Variants in SEMA3A observed in about 807,000 individuals in gnomAD.
The protein encoded by SEMA3A is semaphorin 3A.
A neutral mutation model predicts 97.9 loss-of-function variants in SEMA3A; 29 were observed. The ratio of observed to expected loss-of-function variants is 0.30; its 90% CI spans 0.22 to 0.40. SEMA3A has a LOEUF of 0.40. Ranked by LOEUF, SEMA3A falls within the 10% of genes least tolerant of loss-of-function variation. The pLI, the probability that SEMA3A is intolerant of heterozygous loss-of-function variation, is 1.00. For missense variants in SEMA3A, 763 were observed against 951.3 expected, an observed-to-expected ratio of 0.80 and a Z score of 2.60; for synonymous variants, 321 against 323.7, an observed-to-expected ratio of 0.99 and a Z score of 0.09.
At chr7:84,196,654 C>A (rs1245387818), upstream of SEMA3A, among the ~76,000 whole-genome samples, 1 of 152,136 alleles carries the variant, frequency 6.6e-6, no homozygotes, top group Non-Finnish European at 1.5e-5. Context: ...ACGCTCTAGG[C>A]AATGGATTAA....
chr7:84,375,128 T>C (rs1803066597), intron 1 of SEMA3A, among the ~76,000 whole-genome samples: 1 of 152,158 alleles, frequency 6.6e-6, no homozygotes, highest in African/African-American at 2.4e-5. Context: ...CAAGCTATTC[T>C]CCTGCCTCAG....
chr7:84,261,540 T>A (rs1393970389), intron 3 of SEMA3A, among the ~76,000 whole-genome samples: 1 of 152,130 alleles, frequency 6.6e-6, no homozygotes, highest in Middle Eastern at 3.2e-3. Flanking sequence ...ATTCCCCTCA[T>A]CCAGACATGG....
chr7:84,163,786 C>T (rs1225077928), intron 1 of SEMA3A, among the ~76,000 whole-genome samples: 8 of 150,716 alleles, frequency 5.3e-5, no homozygotes. Flanking sequence ...AATATTTAGG[C>T]TTTTCAGATA....
chr7:84,299,775 A>G (rs1220937405), intron 3 of SEMA3A, among the ~76,000 whole-genome samples: 1 of 150,772 alleles, frequency 6.6e-6, no homozygotes, highest in Non-Finnish European at 1.5e-5. Flanking sequence ...AATCTATTAA[A>G]AACAAACAAG....
At chr7:84,266,313 C>CAAAAAAAAAAA (rs57809084) in intron 3 of SEMA3A, among the ~76,000 whole-genome samples, 1 of 70,482 alleles carries the variant, frequency 1.4e-5, no homozygotes, top group Non-Finnish European at 2.5e-5. Flanking sequence ...GATTTGGTCT[C>CAAAAAAAAAAA]AAAAAAAAAA....
intron 3 of SEMA3A, among the ~76,000 whole-genome samples, chr7:84,243,543 CTTT>C (rs988662424): frequency 4.6e-5 from 7 of 152,144 alleles, no homozygotes; most frequent in East Asian, 1.9e-4. Context: ...CTCTCTTCTT[CTTT>C]ATTAGTTTGC....
chr7:83,990,564 A>T (rs917870996), intron 12 of SEMA3A, among the ~76,000 whole-genome samples: 1 of 119,706 alleles, frequency 8.4e-6, no homozygotes, highest in East Asian at 2.8e-4. Context: ...AGCACCATTT[A>T]TTAAATAGGG....
At position 84,381,987 on chromosome 7, in the gene SEMA3A, T is replaced by G. The variant is rs117414318; in HGVS notation, c.-245-10087A>C. Among the ~76,000 whole-genome samples the G allele has an allele frequency of 0.014, 2,082 of 152,180 alleles. 80 individuals carry two copies. In the East Asian group the frequency reaches 0.16, roughly 11 times the overall value. On this transcript the variant is annotated intron_variant, in intron 1 of 3. Coordinates refer to the SEMA3A transcript ENST00000424555. ...GGGTAGTTGAGGGTAGGAGCCCAGG[T>G]GTGAGGTTTGTGCAGCAGTTGAGGC...
chr7:84,491,493 A>G (rs1241507729), intron 1 of SEMA3A, among the ~76,000 whole-genome samples: 2 of 152,120 alleles, frequency 1.3e-5, no homozygotes. Flanking sequence ...CATATGTTCT[A>G]TGTGTTTATT....
chr7:84,027,114 T>G (rs1791575615), intron 6 of SEMA3A, among the ~76,000 whole-genome samples: 2 of 152,108 alleles, frequency 1.3e-5, no homozygotes, highest in Admixed American at 6.5e-5. Flanking sequence ...ACAAGGTATA[T>G]CTCTAAATAT....
At chr7:84,454,114 C>G (rs1805630110) in intron 1 of SEMA3A, among the ~76,000 whole-genome samples, 1 of 152,132 alleles carries the variant, frequency 6.6e-6, no homozygotes. Flanking sequence ...TGCATATATT[C>G]AAAGTGTTAA....
intron 1 of SEMA3A, among the ~76,000 whole-genome samples, chr7:84,466,414 C>G (rs1805999038): frequency 6.6e-6 from 1 of 152,072 alleles, no homozygotes. Context: ...CTCAGGTGAT[C>G]CACCCGCCTC....
chr7:84,004,451 CAG>C (rs1214863583), intron 11 of SEMA3A, among the ~76,000 whole-genome samples: 1 of 151,750 alleles, frequency 6.6e-6, no homozygotes, highest in Non-Finnish European at 1.5e-5. Flanking sequence ...CATTGTATGA[CAG>C]AAACACTGAA....
chr7:84,056,987 C>A (rs934400910), intron 5 of SEMA3A, among the ~76,000 whole-genome samples: 5 of 152,110 alleles, frequency 3.3e-5, no homozygotes, highest in Admixed American at 3.3e-4. Flanking sequence ...TACTGCCATA[C>A]CATTTCAGGT....
At position 83,965,647 on chromosome 7, in the gene SEMA3A, TATATATATATATATATATA is replaced by T. The variant is rs1230176490; in HGVS notation, c.1718-2319_1718-2301del. Among the ~76,000 whole-genome samples the T allele has an allele frequency of 6.4e-3, 69 of 10,780 alleles. 1 individual carries two copies. Among genetic ancestry groups the T allele is most frequent in the African/African-American group, 0.013 (35 of 2,716 alleles). 7.1% of individuals were successfully genotyped at this position (10,780 alleles called of 152,430 possible). The stretch of plus-strand genomic sequence containing the variant: ...GGGTGCATATATATATATATATATA[TATATATATATATATATATA>T]TTTTTTTTTTTTTTTTTTTTTTTTT... On this transcript the variant is annotated intron_variant, in intron 15 of 16. Coordinates refer to ENST00000265362, the MANE Select transcript of SEMA3A (RefSeq NM_006080.3).
At chr7:84,012,901 T>TA (rs1197518358) in intron 7 of SEMA3A, among the ~76,000 whole-genome samples, 1 of 152,136 alleles carries the variant, frequency 6.6e-6, no homozygotes, top group African/African-American at 2.4e-5. Context: ...ACCTTAGAGA[T>TA]TTTTTTTAAG....
intron 3 of SEMA3A, among the ~76,000 whole-genome samples, chr7:84,250,698 T>G (rs1799587322): frequency 6.6e-6 from 1 of 152,008 alleles, no homozygotes; most frequent in Admixed American, 6.6e-5. Context: ...GCTTGGCACT[T>G]TACATTTAAC....
At chr7:84,292,647 A>G (rs1041606214) in intron 3 of SEMA3A, among the ~76,000 whole-genome samples, 2 of 152,030 alleles carry the variant, frequency 1.3e-5, no homozygotes, top group African/African-American at 4.8e-5. Flanking sequence ...GTTGGGCAAA[A>G]TCTATTCCTA....
At chr7:84,214,073 CATG>C (rs1347293698) in intron 3 of SEMA3A, among the ~76,000 whole-genome samples, 1 of 152,208 alleles carries the variant, frequency 6.6e-6, no homozygotes, top group African/African-American at 2.4e-5. Flanking sequence ...CAATTGATTT[CATG>C]ATAATAACAT....
Sources: gnomAD v4.1 joint callset for allele counts (sites outside exome capture counted in the v4.1 genomes callset) on GRCh38, gnomAD v4.1.1 for gene constraint, MANE v1.5 for transcripts, NCBI Gene and HGNC (gene_info 2026-07-23, HGNC 2026-07-21) for gene names.